The following CCDC93 variants were observed in gnomAD, a reference collection of about 807,000 sequenced individuals.
The protein encoded by CCDC93 is coiled-coil domain-containing protein 93.
A neutral mutation model predicts 108.2 loss-of-function variants in CCDC93; 61 were observed. That is an observed-to-expected ratio of 0.56 (90% CI 0.46 to 0.70). The LOEUF (loss-of-function observed/expected upper bound fraction) is 0.70. CCDC93 is among the 30% of genes least tolerant of loss of function. CCDC93 has a pLI of 0.00. For missense variants in CCDC93, 685 were observed against 764.2 expected (o/e 0.90, Z 1.22); for synonymous variants, 276 against 260.4 (o/e 1.06, Z -0.58).
At position 118,000,935 on chromosome 2, in the gene CCDC93, GTT is replaced by G. The variant is rs750575488; in HGVS notation, c.252-5_252-4del. ...AGACAATTTTTTCTGACAGAGCTCT[GTT>G]CAGAAAAAGTAACAAGCAAAGAGTG... On this transcript the variant is annotated splice_polypyrimidine_tract_variant and splice_region_variant and intron_variant, in intron 3 of 23. Coordinates refer to ENST00000376300, the MANE Select transcript of CCDC93 (RefSeq NM_019044.5). 3.2e-5 allele frequency: 51 copies of G among 1,595,032 alleles called. No homozygotes were observed. Among genetic ancestry groups the G allele is most frequent in the Non-Finnish European group, 4.2e-5 (49 of 1,162,996 alleles).
intron 8 of CCDC93, among the ~76,000 whole-genome samples, chr2:117,976,294 A>C (rs926644712): frequency 2.0e-5 from 3 of 152,276 alleles, no homozygotes; most frequent in Non-Finnish European, 2.9e-5. Context: ...ATCATAACCA[A>C]ATTGCCCAGT....
Position 117,946,876 on chromosome 2 carries a change from TCTC to T in CCDC93, c.1228_1230del (p.Glu410del), listed in dbSNP as rs1678888963. The T allele has an allele frequency of 6.8e-6, 11 of 1,611,126 alleles. No homozygotes were observed. Among genetic ancestry groups the T allele is most frequent in the Non-Finnish European group, 9.3e-6 (11 of 1,177,348 alleles). On this transcript the variant is annotated inframe_deletion, in exon 16 of 24. Transcript: ENST00000376300. ...TCAATTTCTTGCTGTAGTCGTGTCA[TCTC>T]CTCCTTTAAAAGTGACATGAACTTT...
At chr2:117,970,297 G>A (rs932118194) in intron 11 of CCDC93, among the ~76,000 whole-genome samples, 1 of 152,190 alleles carries the variant, frequency 6.6e-6, no homozygotes, top group Non-Finnish European at 1.5e-5. Flanking sequence ...AAGTGGATAT[G>A]AATAGGAAAA....
chr2:117,936,539 T>C lies in CCDC93; in HGVS notation c.1643+163A>G, dbSNP rs1399932053. 5.9e-6 allele frequency: 4 copies of C among 678,448 alleles called. No homozygotes were observed. In the East Asian group the frequency reaches 7.5e-5, roughly 13 times the overall value. The allele number at this position is 678,448 out of a possible 1,614,324, so 42.0% of individuals were successfully genotyped here. A position where few individuals can be genotyped will look rare whatever the true frequency, so the allele number is the denominator to read the frequency against. Reference sequence around the variant, plus strand: ...GTTTTGCAGGTACTCAAGGAGAGTGTAAACAAGATACTTAGCAGAAGGGCT... The same window carrying C: ...GTTTTGCAGGTACTCAAGGAGAGTGCAAACAAGATACTTAGCAGAAGGGCT... On this transcript the variant is annotated intron_variant, in intron 21 of 23. Coordinates refer to ENST00000376300, the MANE Select transcript of CCDC93 (RefSeq NM_019044.5).
At chr2:117,938,172 G>C (rs1373741374) in intron 20 of CCDC93, among the ~76,000 whole-genome samples, 2 of 152,126 alleles carry the variant, frequency 1.3e-5, no homozygotes, top group Non-Finnish European at 1.5e-5. Flanking sequence ...CATCATCAAT[G>C]CAATTAGGTG....
Position 117,939,035 on chromosome 2 carries a change from T to C in CCDC93, c.1599A>G (p.Glu533=), listed in dbSNP as rs530865627. Reference sequence around the variant, plus strand: ...TTTTTATAAATGTTCTTACCTCTTTTTCCAAATAAACCTTTTTATCATCCA... The same window carrying C: ...TTTTTATAAATGTTCTTACCTCTTTCTCCAAATAAACCTTTTTATCATCCA... The part of the protein sequence containing the change: ...NTLDDKKVYL[E]KEISLLNSIH... The change falls in exon 20 of 24, where the codon GAA becomes GAG. Residue 533 remains glutamate, a synonymous_variant. Coordinates refer to ENST00000376300, the MANE Select transcript of CCDC93 (RefSeq NM_019044.5). 7.6e-6 allele frequency: 12 copies of C among 1,571,772 alleles called. No homozygotes were observed. The South Asian group carries it at 1.1e-4, about 15-fold the overall frequency.
At chr2:118,001,116 G>C (rs187760073) in intron 3 of CCDC93, 184 bp from the exon 4 acceptor site, 10 of 509,294 alleles carry the variant, frequency 2.0e-5, no homozygotes, top group African/African-American at 1.5e-4. Context: ...GTGGTGTGTA[G>C]GTGTGTGGTC....
chr2:117,935,147 C>T (rs748814841), intron 22 of CCDC93, among the ~76,000 whole-genome samples: 58 of 152,260 alleles, frequency 3.8e-4, no homozygotes, highest in Admixed American at 6.5e-4. Context: ...TAGTCAAGAG[C>T]GGAAGCCTGC....
intron 11 of CCDC93, among the ~76,000 whole-genome samples, chr2:117,960,587 CTT>C (rs1679358787): frequency 6.6e-6 from 1 of 152,146 alleles, no homozygotes; most frequent in African/African-American, 2.4e-5. Context: ...ACACATACAG[CTT>C]TGTTTTAAAA....
chr2:117,982,522 GCAACTGAGAGT>G (rs751850844), intron 7 of CCDC93, among the ~76,000 whole-genome samples: 39 of 152,118 alleles, frequency 2.6e-4, no homozygotes, highest in Non-Finnish European at 5.0e-4. Flanking sequence ...CTTTATTTAA[GCAACTGAGAGT>G]CAAAATGGGG....
chr2:117,941,096 G>T, intron 19 of CCDC93, 93 bp downstream of exon 19: 1 of 874,392 alleles, frequency 1.1e-6, no homozygotes, highest in Non-Finnish European at 1.9e-6. Context: ...TGTGGACTGT[G>T]CTCTGGTGCA....
At chr2:117,995,749 G>T (rs868683000) in intron 5 of CCDC93, 7 of 383,914 alleles carry the variant, frequency 1.8e-5, no homozygotes, top group African/African-American at 2.1e-5. Flanking sequence ...TGCTTAAGAC[G>T]AGAGTTCTCA....
intron 4 of CCDC93, 63 bp from the exon 5 acceptor site, chr2:117,996,425 G>A: frequency 9.1e-7 from 1 of 1,102,888 alleles, no homozygotes; most frequent in Non-Finnish European, 1.4e-6. Context: ...GTGAAGGCCA[G>A]TTCAGACATG....
At chr2:117,951,337 C>A in intron 13 of CCDC93, 1 of 985,302 alleles carries the variant, frequency 1.0e-6, no homozygotes, top group Non-Finnish European at 1.2e-6. Flanking sequence ...TCTTTATGAA[C>A]AATGAGAAAA....
chr2:117,935,821 C>T (rs768748923), intron 21 of CCDC93: 2 of 365,930 alleles, frequency 5.5e-6, no homozygotes, highest in Non-Finnish European at 9.8e-6. Context: ...GTCATACTTT[C>T]CCTGTAACTT....
At position 117,974,002 on chromosome 2, in the gene CCDC93, T is replaced by C. The variant is rs180826951; in HGVS notation, c.802-8A>G. The C allele has an allele frequency of 3.2e-5, 51 of 1,586,726 alleles. 1 individual carries two copies. The African/African-American group carries it at 6.3e-4, about 20-fold the overall frequency. ...GCTTGCGGTGAGACGGCTCTGCAAG[T>C]ATATGGAGGGAATGTTCTCAAGGCC... is the stretch of plus-strand genomic sequence containing the variant. On this transcript the variant is annotated splice_region_variant and splice_polypyrimidine_tract_variant and intron_variant, in intron 10 of 23. Transcript: ENST00000376300.
chr2:117,974,667 G>A (rs1243436193), intron 10 of CCDC93, among the ~76,000 whole-genome samples, 183 bp downstream of exon 10: 1 of 152,150 alleles, frequency 6.6e-6, no homozygotes, highest in Non-Finnish European at 1.5e-5. Flanking sequence ...CCTCCTAGAG[G>A]TTCCCATGGG....
At chr2:117,988,884 A>G (rs1463838512) in intron 6 of CCDC93, among the ~76,000 whole-genome samples, 2 of 152,158 alleles carry the variant, frequency 1.3e-5, no homozygotes, top group Non-Finnish European at 2.9e-5. Context: ...ATGTAAGTAT[A>G]CATCTTCTGC....
At position 117,929,022 on chromosome 2, in the gene CCDC93, ACAC is replaced by A. The variant is rs1678227667; in HGVS notation, c.1842+2012_1842+2014del. 2.6e-5 allele frequency among the ~76,000 whole-genome samples: 4 copies of A among 151,522 alleles called. No individual in the cohort carries two copies. The East Asian group carries it at 5.9e-4, about 22-fold the overall frequency. Reference sequence around the variant, plus strand: ...AACTATTGCAAGGACAAAAAACTAAACACCACATGTTTTCACTCATAGTTGGGA... The same window carrying A: ...AACTATTGCAAGGACAAAAAACTAAACACATGTTTTCACTCATAGTTGGGA... On this transcript the variant is annotated intron_variant, in intron 23 of 23. Transcript: ENST00000376300.
Sources: allele counts gnomAD v4.1 joint callset (sites outside exome capture counted in the v4.1 genomes callset), GRCh38; gene constraint gnomAD v4.1.1; transcripts MANE v1.5; gene names NCBI Gene and HGNC (gene_info 2026-07-23, HGNC 2026-07-21).